The following CTNND2 variants were observed in gnomAD, a reference collection of about 807,000 sequenced individuals.
CTNND2 encodes catenin delta-2.
Under a neutral mutation model 144.4 loss-of-function variants are expected in CTNND2, and 22 were observed. That is an observed-to-expected ratio of 0.15 (90% CI 0.11 to 0.22). CTNND2 has a LOEUF of 0.22. Ranked by LOEUF, CTNND2 falls within the 10% of genes least tolerant of loss-of-function variation. The probability of loss-of-function intolerance (pLI) is 1.00; values close to 1 mark genes in which losing one functional copy is unlikely to be tolerated. For synonymous variants in CTNND2, 751 were observed against 695.6 expected (o/e 1.08, Z -1.25); for missense variants, 1,353 against 1,618.8 (o/e 0.84, Z 2.82).
At chr5:11,750,497 A>G (rs1788550864) in intron 1 of CTNND2, among the ~76,000 whole-genome samples, 1 of 151,916 alleles carries the variant, frequency 6.6e-6, no homozygotes. Flanking sequence ...TGACTAATAC[A>G]CTGTCCAGAG....
At chr5:11,577,637 G>A (rs140873421) in intron 2 of CTNND2, among the ~76,000 whole-genome samples, 1 of 152,130 alleles carries the variant, frequency 6.6e-6, no homozygotes, top group Non-Finnish European at 1.5e-5. Flanking sequence ...AGAGCAATTA[G>A]ATTCCATCTT....
At chr5:11,521,834 A>T (rs1772750711) in intron 3 of CTNND2, among the ~76,000 whole-genome samples, 1 of 152,252 alleles carries the variant, frequency 6.6e-6, no homozygotes. Flanking sequence ...TTAGGAAATA[A>T]CATAGAGAGC....
chr5:11,660,202 AC>A (rs1311157404), intron 2 of CTNND2, among the ~76,000 whole-genome samples: 2 of 152,134 alleles, frequency 1.3e-5, no homozygotes, highest in East Asian at 3.9e-4. Context: ...AGAAGCTGCT[AC>A]CTGAGGTCAC....
Position 11,199,493 on chromosome 5 carries a change from A to G in CTNND2, c.1930T>C (p.Leu644=). ...NCGGIPALVR[L]LRKTTDLEIR... The stretch of plus-strand genomic sequence containing the variant: ...TCCAGGTCAGTCGTCTTGCGGAGTA[A>G]CCTCACCAGTGCTGGGATGCCACCA... The change falls in exon 11 of 22, where the codon TTA becomes CTA. Residue 644 remains leucine (L), a synonymous_variant. Coordinates refer to ENST00000304623, the MANE Select transcript of CTNND2 (RefSeq NM_001332.4). The G allele has an allele frequency of 6.2e-7, 1 of 1,614,152 alleles. No homozygotes were observed. The highest frequency in any genetic ancestry group is 1.7e-5 in the Admixed American group (1 of 60,022).
intron 3 of CTNND2, among the ~76,000 whole-genome samples, chr5:11,487,410 G>A (rs1320052063): frequency 6.6e-6 from 1 of 152,030 alleles, no homozygotes; most frequent in Admixed American, 6.6e-5. Flanking sequence ...TGACCATATG[G>A]TCATTTTTTT....
At chr5:11,263,129 G>A (rs1745085390) in intron 9 of CTNND2, among the ~76,000 whole-genome samples, 2 of 152,090 alleles carry the variant, frequency 1.3e-5, no homozygotes, top group South Asian at 4.1e-4. Context: ...TCTTCTAGCT[G>A]GCCCACCTCC....
intron 8 of CTNND2, among the ~76,000 whole-genome samples, chr5:11,358,367 A>T (rs1202538056): frequency 6.6e-6 from 1 of 152,208 alleles, no homozygotes; most frequent in Admixed American, 6.5e-5. Context: ...AGCATCTGAA[A>T]GTTCTCTTTG....
At chr5:11,353,502 G>A (rs1755545059) in intron 8 of CTNND2, among the ~76,000 whole-genome samples, 1 of 152,132 alleles carries the variant, frequency 6.6e-6, no homozygotes, top group African/African-American at 2.4e-5. Context: ...TAGATAATTG[G>A]CTCCATCATA....
chr5:11,312,279 C>G (rs1307119685), intron 9 of CTNND2, among the ~76,000 whole-genome samples: 3 of 151,580 alleles, frequency 2.0e-5, no homozygotes, highest in Admixed American at 6.6e-5. Context: ...CCCTACCCCC[C>G]CAACACACAT....
chr5:11,495,370 T>A (rs1483198390), intron 3 of CTNND2, among the ~76,000 whole-genome samples: 1 of 151,060 alleles, frequency 6.6e-6, no homozygotes, highest in Non-Finnish European at 1.5e-5. Flanking sequence ...ATTTCTTCTA[T>A]CCCCTTTAAA....
At chr5:11,323,075 C>A (rs1184487473) in intron 9 of CTNND2, among the ~76,000 whole-genome samples, 1 of 152,150 alleles carries the variant, frequency 6.6e-6, no homozygotes. Context: ...ATCTTGCTGT[C>A]TTGCCCCGGC....
At position 11,225,682 on chromosome 5, in the gene CTNND2, A is replaced by ATAT. The variant is rs541081817; in HGVS notation, c.1761+11006_1761+11008dup. Among the ~76,000 whole-genome samples the ATAT allele has an allele frequency of 3.1e-4, 47 of 152,240 alleles. 1 individual carries two copies. In the East Asian group the frequency reaches 6.4e-3, roughly 21 times the overall value. ...GTGGTTTATGTGATCCAACCCTGGG[A>ATAT]TATTACCTGTCTGATCTCACCTCCT... On this transcript the variant is annotated intron_variant, in intron 10 of 21. Transcript: ENST00000304623.
intron 16 of CTNND2, among the ~76,000 whole-genome samples, chr5:11,074,946 C>A (rs1411825353): frequency 3.3e-5 from 5 of 152,084 alleles, no homozygotes; most frequent in South Asian, 4.1e-4. Flanking sequence ...CTAATTCCCC[C>A]TGCCCACCCC....
At chr5:11,339,671 G>A (rs546213187) in intron 9 of CTNND2, among the ~76,000 whole-genome samples, 4 of 152,142 alleles carry the variant, frequency 2.6e-5, no homozygotes, top group Non-Finnish European at 5.9e-5. Context: ...GTTGGGAGGT[G>A]ACTAGGTTAT....
chr5:11,736,590 A>G (rs1383022918), intron 1 of CTNND2, among the ~76,000 whole-genome samples: 1 of 152,198 alleles, frequency 6.6e-6, no homozygotes, highest in Non-Finnish European at 1.5e-5. Flanking sequence ...GACCTGCCCC[A>G]GTGAATCCCT....
chr5:11,855,672 G>C (rs976608692), intron 1 of CTNND2, among the ~76,000 whole-genome samples: 2 of 152,166 alleles, frequency 1.3e-5, no homozygotes, highest in African/African-American at 4.8e-5. Flanking sequence ...CTTTAGAATA[G>C]AGACTTCTGG....
At chr5:11,251,149 C>T (rs180993378) in intron 9 of CTNND2, among the ~76,000 whole-genome samples, 1 of 152,226 alleles carries the variant, frequency 6.6e-6, no homozygotes, top group African/African-American at 2.4e-5. Flanking sequence ...CAATTATTGG[C>T]CGGAGTGTTT....
chr5:11,494,832 A>T (rs1192888353), intron 3 of CTNND2, among the ~76,000 whole-genome samples: 2 of 152,178 alleles, frequency 1.3e-5, no homozygotes, highest in African/African-American at 4.8e-5. Flanking sequence ...TTGAGTCAAT[A>T]AAAAAGTAAT....
chr5:11,899,781 C>G (rs1239083804), intron 1 of CTNND2, among the ~76,000 whole-genome samples: 1 of 152,106 alleles, frequency 6.6e-6, no homozygotes, highest in Non-Finnish European at 1.5e-5. Flanking sequence ...CATTTTACAG[C>G]TGAAGAAACT....
Sources: gnomAD v4.1 joint callset for allele counts (sites outside exome capture counted in the v4.1 genomes callset) on GRCh38, gnomAD v4.1.1 for gene constraint, MANE v1.5 for transcripts, NCBI Gene and HGNC (gene_info 2026-07-23, HGNC 2026-07-21) for gene names.